Variants in CAD observed in about 807,000 individuals in gnomAD.
CAD encodes the protein multifunctional protein CAD.
In CAD, 81 loss-of-function variants were observed where a neutral mutation model predicts 237.2. That is an observed-to-expected ratio of 0.34 (90% CI 0.29 to 0.41). CAD has a LOEUF of 0.41. Ranked by LOEUF, CAD falls within the 10% of genes least tolerant of loss-of-function variation. The pLI, the probability that CAD is intolerant of heterozygous loss-of-function variation, is 1.00. For synonymous variants in CAD, 1,196 were observed against 1,162.8 expected, an observed-to-expected ratio of 1.03 and a Z score of -0.58; for missense variants, 2,181 against 2,951.7, an observed-to-expected ratio of 0.74 and a Z score of 6.05.
At chr2:27,224,092 A>G in intron 8 of CAD, 63 bp downstream of exon 8, 1 of 1,233,422 alleles carries the variant, frequency 8.1e-7, no homozygotes, top group Non-Finnish European at 1.2e-6. Flanking sequence ...GGATGGGCAT[A>G]AGGTGGACAT....
At chr2:27,224,639 A>G in intron 9 of CAD, 106 bp from the exon 10 acceptor site, 1 of 1,538,288 alleles carries the variant, frequency 6.5e-7, no homozygotes, top group Non-Finnish European at 8.9e-7. Flanking sequence ...GTCAATTATT[A>G]GGGGCCAAGA....
Position 27,239,006 on chromosome 2 carries a change from G to T in CAD, c.5063-36G>T. On this transcript the variant is annotated intron_variant, in intron 31 of 43. Coordinates refer to ENST00000264705, the MANE Select transcript of CAD (RefSeq NM_004341.5). This position sits in a 1 kb window ranked among gnomAD's most constrained non-coding sequence, Gnocchi z 4.0. Reference sequence around the variant, plus strand: ...TGAGTGACTTCCTAGACATGGAGGTGATTGGTCCTGAGGGTAATGGCTTTC... The same window carrying T: ...TGAGTGACTTCCTAGACATGGAGGTTATTGGTCCTGAGGGTAATGGCTTTC... 6.6e-7 allele frequency: 1 copy of T among 1,517,232 alleles called. No homozygotes were observed. The highest frequency in any genetic ancestry group is 1.3e-5 in the South Asian group (1 of 75,484). 94.0% of individuals were successfully genotyped at this position (1,517,232 alleles called of 1,614,324 possible).
chr2:27,241,620 G>C lies in CAD; in HGVS notation c.5883+224G>C, dbSNP rs1201835168. 1.3e-5 allele frequency among the ~76,000 whole-genome samples: 2 copies of C among 152,218 alleles called. No homozygotes were observed. The highest frequency in any genetic ancestry group is 2.9e-5 in the Non-Finnish European group (2 of 68,036). ...TGAGCATGAGACCATCGCCCCACTA[G>C]TGGGGTCTTCTGGTCTGGGCTGCTG... On this transcript the variant is annotated intron_variant, in intron 38 of 43. Transcript: ENST00000264705. The surrounding 1 kb of genome is among the most constrained non-coding windows in gnomAD (Gnocchi z 4.6).
chr2:27,243,797 A>T lies in CAD; in HGVS notation c.*279A>T, dbSNP rs1676450864. On this transcript the variant is annotated 3_prime_UTR_variant, in exon 44 of 44. Transcript: ENST00000264705. Reference sequence around the variant, plus strand: ...CGAGCTGTCCCTTGATGCTGAGTGTAGTAGAACAGAGCTTTCTTTTAGAAA... The same window carrying T: ...CGAGCTGTCCCTTGATGCTGAGTGTTGTAGAACAGAGCTTTCTTTTAGAAA... The T allele has an allele frequency of 2.4e-6, 1 of 421,926 alleles. No homozygotes were observed. Among genetic ancestry groups the T allele is most frequent in the Non-Finnish European group, 4.2e-6 (1 of 236,206 alleles). 26.1% of individuals were successfully genotyped at this position (421,926 alleles called of 1,614,324 possible).
At chr2:27,218,666 G>A (rs1674997773) in intron 2 of CAD, among the ~76,000 whole-genome samples, 1 of 151,306 alleles carries the variant, frequency 6.6e-6, no homozygotes, top group Non-Finnish European at 1.5e-5. Context: ...ACCTCTAGGT[G>A]AGAAAACTGA....
intron 15 of CAD, among the ~76,000 whole-genome samples, chr2:27,230,891 C>T (rs910417668): frequency 6.6e-6 from 1 of 152,218 alleles, no homozygotes; most frequent in African/African-American, 2.4e-5. Flanking sequence ...TCCAGTATCC[C>T]CATGCCCGTT....
chr2:27,218,839 G>A (rs1057090122), intron 2 of CAD, among the ~76,000 whole-genome samples: 1 of 152,088 alleles, frequency 6.6e-6, no homozygotes, highest in African/African-American at 2.4e-5. Flanking sequence ...AATTTGTTTG[G>A]CCTCACTGCA....
In CAD at chr2:27,232,165, G is replaced by A. The variant is rs755004778; in HGVS notation, c.2586G>A (p.Leu862=). 1 of 1,614,246 alleles carries A rather than the reference G, an allele frequency of 6.2e-7. No homozygotes were observed. The highest frequency in any genetic ancestry group is 2.2e-5 in the East Asian group (1 of 44,888). Residue 862 remains leucine, a synonymous_variant, in exon 17 of 44, where the codon CTG becomes CTA. Transcript: ENST00000264705. This position sits in a 1 kb window ranked among gnomAD's most constrained non-coding sequence, Gnocchi z 4.1. The stretch of plus-strand genomic sequence containing the variant: ...GTGGACAGCCTTTGCCGCCAGACCT[G>A]CTGCAACAGGCCAAGTGTCTTGGCT... ...QHRGQPLPPD[L]LQQAKCLGFS... is the part of the protein sequence containing the mutation.
At chr2:27,218,682 TTC>T (rs1674998749) in intron 2 of CAD, among the ~76,000 whole-genome samples, 1 of 135,340 alleles carries the variant, frequency 7.4e-6, no homozygotes, top group Non-Finnish European at 1.6e-5. Flanking sequence ...ACTGAGTTTC[TTC>T]CTACAGTGAG....
chr2:27,243,257 G>GGTGATGCAC lies in CAD; in HGVS notation c.6541_6549dup (p.Val2181_His2183dup). 6.2e-7 allele frequency: 1 copy of GGTGATGCAC among 1,614,106 alleles called. No individual in the cohort carries two copies. Among genetic ancestry groups the GGTGATGCAC allele is most frequent in the Non-Finnish European group, 8.5e-7 (1 of 1,180,008 alleles). ...TGACCCGGGCCAAGAAGAAGATGGTGGTGATGCACCCGATGCCCCGTGTCA... is the reference window on the plus strand; with the variant it reads ...TGACCCGGGCCAAGAAGAAGATGGTGGTGATGCACGTGATGCACCCGATGCCCCGTGTCA... On this transcript the variant is annotated inframe_insertion, in exon 43 of 44. Transcript: ENST00000264705.
chr2:27,240,488 C>T lies in CAD; in HGVS notation c.5593+127C>T. 2 of 1,495,882 alleles carry T rather than the reference C, an allele frequency of 1.3e-6. No homozygotes were observed. The highest frequency in any genetic ancestry group is 1.8e-6 in the Non-Finnish European group (2 of 1,089,386). The allele number at this position is 1,495,882 out of a possible 1,614,324, so 92.7% of individuals were successfully genotyped here. A position where few individuals can be genotyped will look rare whatever the true frequency, so the allele number is the denominator to read the frequency against. On this transcript the variant is annotated intron_variant, in intron 35 of 43. Transcript: ENST00000264705. The surrounding 1 kb of genome is among the most constrained non-coding windows in gnomAD (Gnocchi z 4.6). ...TTTATCCTCGTCTGATCTGCCGTGC[C>T]ATCCTTTGCCTAAACAAGTCTCCCC...
Position 27,239,894 on chromosome 2 carries a change from G to T in CAD, c.5496+96G>T, listed in dbSNP as rs1011537531. On this transcript the variant is annotated intron_variant, in intron 34 of 43. Coordinates refer to ENST00000264705, the MANE Select transcript of CAD (RefSeq NM_004341.5). The surrounding 1 kb of genome is among the most constrained non-coding windows in gnomAD (Gnocchi z 4.0). The stretch of plus-strand genomic sequence containing the variant: ...TCATTGGTGGTTCAGGAACAATTGG[G>T]GTTTTCTTGAGGGACTGAATTTGAA... The T allele has an allele frequency of 1.1e-6, 1 of 941,332 alleles. No homozygotes were observed. The highest frequency in any genetic ancestry group is 1.6e-6 in the Non-Finnish European group (1 of 637,690). The allele number at this position is 941,332 out of a possible 1,614,324, so 58.3% of individuals were successfully genotyped here.
chr2:27,219,827 G>C (rs2148054662), intron 2 of CAD, among the ~76,000 whole-genome samples: 2 of 152,252 alleles, frequency 1.3e-5, no homozygotes, highest in Middle Eastern at 6.8e-3. Flanking sequence ...GATCACAGGT[G>C]ATCTGCCCAC....
At position 27,241,086 on chromosome 2, in the gene CAD, C is replaced by G; in HGVS notation, c.5667C>G (p.Cys1889Trp). 6.2e-7 allele frequency: 1 copy of G among 1,609,442 alleles called. No homozygotes were observed. The highest frequency in any genetic ancestry group is 1.7e-5 in the Admixed American group (1 of 59,244). ...TGATGGGAACCCCTGATGGCACCTG[C>G]TACCCTCCACCACCAGTACCGAGAC... ...PELMGTPDGT[C>W]YPPPPVPRQA... The change falls in exon 37 of 44, where the codon TGC becomes TGG. Residue 1889 changes from cysteine to tryptophan, a missense_variant. Cys to Trp is a radical substitution (Grantham distance 215). This residue lies in a region of CAD where 203 missense variants were observed against 284.5 expected (regional missense o/e 0.71). Transcript: ENST00000264705. The surrounding 1 kb of genome is among the most constrained non-coding windows in gnomAD (Gnocchi z 4.6).
rs141698954 is a variant in CAD, at chr2:27,225,202, G to C, written c.1579G>C (p.Glu527Gln). 1 of 1,614,056 alleles carries C rather than the reference G, an allele frequency of 6.2e-7. No individual in the cohort carries two copies. Among genetic ancestry groups the C allele is most frequent in the East Asian group, 2.2e-5 (1 of 44,886 alleles). ...TGCTGCCAGAATGGCAGAGATCGGAGAGCATGTGGCCCCGAGCGAGGCAGC... is the reference window on the plus strand; with the variant it reads ...TGCTGCCAGAATGGCAGAGATCGGACAGCATGTGGCCCCGAGCGAGGCAGC... ...AFAARMAEIG[E>Q]HVAPSEAANS... Residue 527 changes from glutamate to glutamine, a missense_variant, in exon 11 of 44, where the codon GAG becomes CAG. Around this residue, in one of 12 missense-constraint regions of CAD, gnomAD observed 174 missense variants for 215.8 expected, o/e 0.81. Coordinates refer to ENST00000264705, the MANE Select transcript of CAD (RefSeq NM_004341.5).
Position 27,242,043 on chromosome 2 carries a change from T to G in CAD, c.6016T>G (p.Ser2006Ala), listed in dbSNP as rs1014502858. 1.2e-6 allele frequency: 2 copies of G among 1,613,366 alleles called. No homozygotes were observed. Residue 2006 changes from serine to alanine, a missense_variant, in exon 39 of 44, where the codon TCC (serine) becomes GCC (alanine). Coordinates refer to ENST00000264705, the MANE Select transcript of CAD (RefSeq NM_004341.5). The surrounding 1 kb of genome is among the most constrained non-coding windows in gnomAD (Gnocchi z 6.4). ...CACATCGTCCGTCCAGAAGGGCGAATCCCTGGCTGACTCCGTGCAGACCAT... is the reference window on the plus strand; with the variant it reads ...CACATCGTCCGTCCAGAAGGGCGAAGCCCTGGCTGACTCCGTGCAGACCAT... ...EATSSVQKGE[S>A]LADSVQTMSC...
Position 27,240,976 on chromosome 2 carries a change from ACACT to A in CAD, c.5638+25_5638+28del. The stretch of plus-strand genomic sequence containing the variant: ...GCCAGGTGAGACTCCACCCTGACAC[ACACT>A]CACCTCGGGGACCTCTGATCTGGCC... On this transcript the variant is annotated intron_variant, in intron 36 of 43. Transcript: ENST00000264705. The surrounding 1 kb of genome is among the most constrained non-coding windows in gnomAD (Gnocchi z 4.6). 1 of 1,614,030 alleles carries A rather than the reference ACACT, an allele frequency of 6.2e-7. No homozygotes were observed. The highest frequency in any genetic ancestry group is 8.5e-7 in the Non-Finnish European group (1 of 1,179,972).
At chr2:27,234,478 G>A in intron 22 of CAD, 40 bp from the exon 23 acceptor site, 3 of 1,602,970 alleles carry the variant, frequency 1.9e-6, no homozygotes, top group Non-Finnish European at 2.6e-6. Context: ...TGTCAGCAAG[G>A]CCAACCTGCA....
Position 27,217,424 on chromosome 2 carries a change from TTC to T in CAD, c.-123_-122del. ...AGGCTCCTACGCTGCCGCGCCCGGC[TTC>T]TCTCCAGCGCCCCGCGCCGTTAGCC... On this transcript the variant is annotated 5_prime_UTR_variant, in exon 1 of 44. Coordinates refer to ENST00000264705, the MANE Select transcript of CAD (RefSeq NM_004341.5). 1.2e-6 allele frequency: 1 copy of T among 816,242 alleles called. No homozygotes were observed. The highest frequency in any genetic ancestry group is 2.1e-5 in the Admixed American group (1 of 47,488). 50.6% of individuals were successfully genotyped at this position (816,242 alleles called of 1,614,324 possible). A position where few individuals can be genotyped will look rare whatever the true frequency, so the allele number is the denominator to read the frequency against.
Sources: allele counts gnomAD v4.1 joint callset (sites outside exome capture counted in the v4.1 genomes callset), GRCh38; gene constraint gnomAD v4.1.1; regional missense constraint gnomAD v4.1.1; non-coding constraint Gnocchi (gnomAD v3.1); transcripts MANE v1.5; gene names NCBI Gene and HGNC (gene_info 2026-07-23, HGNC 2026-07-21).